The following GRM8 variants were observed in gnomAD, a reference collection of about 807,000 sequenced individuals.
The protein encoded by GRM8 is glutamate metabotropic receptor 8.
Under a neutral mutation model 87.2 loss-of-function variants are expected in GRM8, and 47 were observed. The ratio of observed to expected loss-of-function variants is 0.54; its 90% CI spans 0.43 to 0.69. The LOEUF is 0.69. GRM8 is among the 30% of genes least tolerant of loss of function. GRM8 has a pLI of 0.00. For synonymous variants in GRM8, 396 were observed against 404.5 expected, an observed-to-expected ratio of 0.98 and a Z score of 0.25; for missense variants, 1,019 against 1,139.2, an observed-to-expected ratio of 0.89 and a Z score of 1.52.
intron 2 of GRM8, among the ~76,000 whole-genome samples, chr7:127,176,968 C>A (rs2116373481): frequency 6.6e-6 from 1 of 152,248 alleles, no homozygotes; most frequent in Non-Finnish European, 1.5e-5. Flanking sequence ...TCTAGCTGAA[C>A]TTTGTAACAA....
At chr7:127,060,679 C>A (rs76883874) in intron 3 of GRM8, among the ~76,000 whole-genome samples, 1 of 151,980 alleles carries the variant, frequency 6.6e-6, no homozygotes, top group Non-Finnish European at 1.5e-5. Flanking sequence ...TATGGCATGC[C>A]TTTTTTAAAT....
intron 6 of GRM8, among the ~76,000 whole-genome samples, chr7:126,853,944 T>C (rs1021886850): frequency 1.3e-5 from 2 of 152,162 alleles, no homozygotes; most frequent in Non-Finnish European, 2.9e-5. Context: ...TGCTTGCCCA[T>C]CAGTGGAAGT....
chr7:127,216,539 A>C (rs1391577556), intron 2 of GRM8, among the ~76,000 whole-genome samples: 2 of 151,268 alleles, frequency 1.3e-5, no homozygotes, highest in Admixed American at 6.6e-5. Flanking sequence ...AAAAAACAAA[A>C]AAAAAAAAAG....
At chr7:126,517,874 T>C (rs1427076323) in intron 9 of GRM8, among the ~76,000 whole-genome samples, 10 of 152,116 alleles carry the variant, frequency 6.6e-5, no homozygotes, top group African/African-American at 1.9e-4. Flanking sequence ...GTCACCTATA[T>C]GGTTTCCATA....
chr7:126,980,680 C>T (rs1480002881), intron 3 of GRM8, among the ~76,000 whole-genome samples: 2 of 152,168 alleles, frequency 1.3e-5, no homozygotes, highest in Non-Finnish European at 2.9e-5. Context: ...AAGATACCAC[C>T]TCCTCAGCTC....
chr7:126,479,604 T>G (rs894723869), intron 9 of GRM8, among the ~76,000 whole-genome samples: 4 of 152,140 alleles, frequency 2.6e-5, no homozygotes, highest in Non-Finnish European at 5.9e-5. Context: ...TAAACCACCT[T>G]GTGTTTATCC....
chr7:127,070,429 G>C (rs1176128513), intron 3 of GRM8, among the ~76,000 whole-genome samples: 2 of 152,086 alleles, frequency 1.3e-5, no homozygotes, highest in Admixed American at 6.6e-5. Context: ...TGGAAGATGA[G>C]ATAAAGTTCA....
intron 6 of GRM8, among the ~76,000 whole-genome samples, chr7:126,883,227 G>C (rs1428881091): frequency 1.3e-5 from 2 of 152,168 alleles, no homozygotes; most frequent in African/African-American, 4.8e-5. Flanking sequence ...GCTTAGGCCT[G>C]ATTTTCCTGG....
intron 2 of GRM8, among the ~76,000 whole-genome samples, chr7:127,158,405 A>G (rs1792871832): frequency 6.6e-6 from 1 of 152,240 alleles, no homozygotes; most frequent in Non-Finnish European, 1.5e-5. Flanking sequence ...ATGGTTGTCC[A>G]GACATTTGGG....
chr7:126,463,820 A>T (rs1804176578), intron 9 of GRM8, among the ~76,000 whole-genome samples: 2 of 151,688 alleles, frequency 1.3e-5, no homozygotes, highest in Admixed American at 6.6e-5. Context: ...CAAATCTGAC[A>T]CTGCCTGTAA....
At chr7:126,589,277 T>C (rs968224421) in intron 8 of GRM8, among the ~76,000 whole-genome samples, 2 of 152,060 alleles carry the variant, frequency 1.3e-5, no homozygotes, top group Non-Finnish European at 2.9e-5. Flanking sequence ...CTCAGTGCTA[T>C]TGCGGGGAGG....
rs1815143732 is a variant in GRM8 at position 126,533,265 on chromosome 7, T to C, written c.2117A>G (p.Gln706Arg). The C allele has an allele frequency of 1.9e-6, 3 of 1,613,708 alleles. No homozygotes were observed. The highest frequency in any genetic ancestry group is 2.5e-6 in the Non-Finnish European group (3 of 1,179,938). ...LVITFSLISV[Q>R]LLGVFVWFVV... ...AAACCAGACAAACACTCCAAGGAGCTGGACGGAGATGAGGCTGAAGGTGAT... is the reference window on the plus strand; with the variant it reads ...AAACCAGACAAACACTCCAAGGAGCCGGACGGAGATGAGGCTGAAGGTGAT... The change falls in exon 9 of 11, where the codon CAG becomes CGG. Residue 706 changes from glutamine to arginine, a missense_variant. Transcript: ENST00000339582.
intron 3 of GRM8, among the ~76,000 whole-genome samples, chr7:126,983,992 G>A (rs955829630): frequency 5.3e-5 from 8 of 151,034 alleles, no homozygotes; most frequent in African/African-American, 1.9e-4. Flanking sequence ...TGTTTGTTCA[G>A]GTATACAGAA....
intron 8 of GRM8, among the ~76,000 whole-genome samples, chr7:126,589,838 A>C (rs1199598782): frequency 3.9e-5 from 6 of 152,178 alleles, no homozygotes; most frequent in Non-Finnish European, 7.4e-5. Context: ...GGTAAGTACT[A>C]CATCAAGGGA....
At position 126,623,813 on chromosome 7, in the gene GRM8, T is replaced by C. The variant is rs2299481; in HGVS notation, c.1358-14315A>G. On this transcript the variant is annotated intron_variant, in intron 7 of 10. Coordinates refer to ENST00000339582, the MANE Select transcript of GRM8 (RefSeq NM_000845.3). ...CATATCTAGGCCAGGCATGGTGGCA[T>C]ACACCTGTAATTCCAGCCACTTAAG... Among the ~76,000 whole-genome samples, 628 of 152,298 alleles carry C rather than the reference T, an allele frequency of 4.1e-3. 11 individuals carry two copies. In the South Asian group the frequency reaches 0.042, roughly 10 times the overall value.
At chr7:126,543,700 C>T (rs1230749880) in intron 8 of GRM8, among the ~76,000 whole-genome samples, 1 of 152,026 alleles carries the variant, frequency 6.6e-6, no homozygotes, top group Non-Finnish European at 1.5e-5. Flanking sequence ...ATATGCAAGG[C>T]AATTGAGGTC....
intron 3 of GRM8, among the ~76,000 whole-genome samples, chr7:127,057,555 C>T (rs773767751): frequency 1.1e-4 from 17 of 152,142 alleles, no homozygotes; most frequent in Admixed American, 3.3e-4. Flanking sequence ...CACACATATA[C>T]AAAGTAAAAC....
At chr7:126,891,430 C>T (rs550581989) in intron 6 of GRM8, among the ~76,000 whole-genome samples, 6 of 151,814 alleles carry the variant, frequency 4.0e-5, no homozygotes, top group African/African-American at 9.7e-5. Context: ...TGCTTAAAAC[C>T]TTCTGGTGCC....
chr7:126,545,578 T>C (rs1245135071), intron 8 of GRM8, among the ~76,000 whole-genome samples: 1 of 152,234 alleles, frequency 6.6e-6, no homozygotes, highest in African/African-American at 2.4e-5. Flanking sequence ...GTGATATTTT[T>C]GTGAATAGTA....
Sources: gnomAD v4.1 joint callset for allele counts (sites outside exome capture counted in the v4.1 genomes callset) on GRCh38, gnomAD v4.1.1 for gene constraint, MANE v1.5 for transcripts, NCBI Gene and HGNC (gene_info 2026-07-23, HGNC 2026-07-21) for gene names.